The following NXPH1 variants were observed in gnomAD, a reference collection of about 807,000 sequenced individuals.
The protein encoded by NXPH1 is neurexophilin 1, also known as neurexophilin-1.
A neutral mutation model predicts 23.7 loss-of-function variants in NXPH1; 5 were observed. The observed-to-expected ratio is 0.21, with a 90% confidence interval of 0.11 to 0.44. The LOEUF (loss-of-function observed/expected upper bound fraction) is 0.44. Among genes scored for constraint, NXPH1 ranks in the 20% least tolerant of loss-of-function variants. The pLI is 0.99. For missense variants in NXPH1, 324 were observed against 321.6 expected, an observed-to-expected ratio of 1.01 and a Z score of -0.06; for synonymous variants, 144 against 122.2, an observed-to-expected ratio of 1.18 and a Z score of -1.18.
chr7:8,748,852 A>C (rs572876601), intron 2 of NXPH1, among the ~76,000 whole-genome samples: 1 of 152,204 alleles, frequency 6.6e-6, no homozygotes, highest in Non-Finnish European at 1.5e-5. Flanking sequence ...TAAGCTCAGC[A>C]TTATTAGGAA....
At chr7:8,704,138 C>T (rs1029318908) in intron 2 of NXPH1, among the ~76,000 whole-genome samples, 2 of 151,932 alleles carry the variant, frequency 1.3e-5, no homozygotes, top group East Asian at 1.9e-4. Context: ...TTTGTGATTT[C>T]ATGTTTTAGT....
chr7:8,527,612 G>A (rs1817884533), intron 2 of NXPH1, among the ~76,000 whole-genome samples: 2 of 152,194 alleles, frequency 1.3e-5, no homozygotes, highest in Non-Finnish European at 2.9e-5. Context: ...TAGTATAGGT[G>A]TTCCATACTT....
rs540056222 is a variant in NXPH1, at chr7:8,678,928, A to ATTTTTTTTTTTTTTTTTTTTTTTTTT, written c.55-72070_55-72045dup. Among the ~76,000 whole-genome samples the ATTTTTTTTTTTTTTTTTTTTTTTTTT allele has an allele frequency of 2.4e-3, 166 of 68,784 alleles. 29 individuals are homozygous for ATTTTTTTTTTTTTTTTTTTTTTTTTT. The highest frequency in any genetic ancestry group is 4.6e-3 in the South Asian group (9 of 1,960). The allele number at this position is 68,784 out of a possible 152,430, so 45.1% of individuals were successfully genotyped here. On this transcript the variant is annotated intron_variant, in intron 2 of 2. Coordinates refer to ENST00000405863, the MANE Select transcript of NXPH1 (RefSeq NM_152745.3). ...TCTAGATTTATCTTTGCTTTATCCAATTTTTTTTTTTTTTTTTTTTTTTTT... is the reference window on the plus strand; with the variant it reads ...TCTAGATTTATCTTTGCTTTATCCAATTTTTTTTTTTTTTTTTTTTTTTTTTTTTTTTTTTTTTTTTTTTTTTTTTT...
chr7:8,515,783 T>A (rs1451245620), intron 2 of NXPH1, among the ~76,000 whole-genome samples: 1 of 152,142 alleles, frequency 6.6e-6, no homozygotes, highest in Admixed American at 6.6e-5. Context: ...ATCACGTCTG[T>A]AAACTCACAT....
At chr7:8,642,618 C>T (rs909930275) in intron 2 of NXPH1, among the ~76,000 whole-genome samples, 7 of 150,974 alleles carry the variant, frequency 4.6e-5, no homozygotes, top group Non-Finnish European at 1.0e-4. Context: ...TTCTAACATT[C>T]TAATTTTTTT....
At chr7:8,695,131 T>C (rs1467191949) in intron 2 of NXPH1, among the ~76,000 whole-genome samples, 1 of 152,224 alleles carries the variant, frequency 6.6e-6, no homozygotes, top group Non-Finnish European at 1.5e-5. Flanking sequence ...CTATATTAAA[T>C]CTGGAATTAG....
At chr7:8,511,032 G>C (rs965926364) in intron 2 of NXPH1, among the ~76,000 whole-genome samples, 1 of 152,100 alleles carries the variant, frequency 6.6e-6, no homozygotes, top group Non-Finnish European at 1.5e-5. Context: ...CAAAGTAGAT[G>C]TTCTCCACTT....
At chr7:8,718,492 T>A (rs1779913683) in intron 2 of NXPH1, among the ~76,000 whole-genome samples, 1 of 152,206 alleles carries the variant, frequency 6.6e-6, no homozygotes, top group South Asian at 2.1e-4. Flanking sequence ...CCTGAAAGTT[T>A]AATCCCCTGT....
chr7:8,582,550 G>A (rs1158243113), intron 2 of NXPH1, among the ~76,000 whole-genome samples: 2 of 152,152 alleles, frequency 1.3e-5, no homozygotes, highest in African/African-American at 4.8e-5. Flanking sequence ...GGGTAGCTCT[G>A]CAGTGGGTAG....
intron 2 of NXPH1, among the ~76,000 whole-genome samples, chr7:8,581,752 T>A (rs1469283650): frequency 6.6e-6 from 1 of 152,214 alleles, no homozygotes; most frequent in Non-Finnish European, 1.5e-5. Flanking sequence ...TGTAGGTAAC[T>A]AGGGGACAAA....
At chr7:8,713,599 G>A (rs1237486964) in intron 2 of NXPH1, among the ~76,000 whole-genome samples, 1 of 152,038 alleles carries the variant, frequency 6.6e-6, no homozygotes, top group East Asian at 1.9e-4. Context: ...TTCTTGGGAA[G>A]CCTTTCCAGG....
chr7:8,689,006 C>T (rs145225494), intron 2 of NXPH1, among the ~76,000 whole-genome samples: 4 of 152,264 alleles, frequency 2.6e-5, no homozygotes, highest in Non-Finnish European at 4.4e-5. Flanking sequence ...TTAATTATTA[C>T]AGCACCAAAT....
At chr7:8,750,425 G>A (rs1436130895) in intron 2 of NXPH1, among the ~76,000 whole-genome samples, 2 of 152,046 alleles carry the variant, frequency 1.3e-5, no homozygotes, top group Non-Finnish European at 2.9e-5. Flanking sequence ...CTATTGACCC[G>A]TTCTCTAAGT....
rs35297418 is a variant in NXPH1 at position 8,704,750 on chromosome 7, T to TAAA, written c.55-46249_55-46247dup. Among the ~76,000 whole-genome samples, 569 of 146,018 alleles carry TAAA rather than the reference T, an allele frequency of 3.9e-3. 2 individuals carry two copies. Among genetic ancestry groups the TAAA allele is most frequent in the African/African-American group, 0.013 (540 of 40,282 alleles). ...CTTTTCTAAAATATCACTTAATCTG[T>TAAA]AAAAAAAAAAAGATAAAATTGTAGG... On this transcript the variant is annotated intron_variant, in intron 2 of 2. Transcript: ENST00000405863.
At chr7:8,580,750 T>G (rs973130221) in intron 2 of NXPH1, among the ~76,000 whole-genome samples, 2 of 152,028 alleles carry the variant, frequency 1.3e-5, no homozygotes, top group African/African-American at 4.8e-5. Context: ...TTTTTCTTCT[T>G]ATGCAGAGGG....
rs142961621 is a variant in NXPH1 at position 8,740,359 on chromosome 7, A to G, written c.55-10649A>G. On this transcript the variant is annotated intron_variant, in intron 2 of 2. Coordinates refer to ENST00000405863, the MANE Select transcript of NXPH1 (RefSeq NM_152745.3). ...ATTGTTTGGATGGCAAGAAGAATAA[A>G]TACAGGCATGTATTTATCCCCATGA... Among the ~76,000 whole-genome samples the G allele has an allele frequency of 3.0e-3, 456 of 152,328 alleles. 1 individual carries two copies. Among genetic ancestry groups the G allele is most frequent in the Non-Finnish European group, 5.6e-3 (382 of 68,024 alleles).
At chr7:8,696,011 G>C (rs1583234381) in intron 2 of NXPH1, among the ~76,000 whole-genome samples, 1 of 152,292 alleles carries the variant, frequency 6.6e-6, no homozygotes, top group Admixed American at 6.5e-5. Context: ...ACTTCTAATA[G>C]CATAAAGTTT....
At chr7:8,519,971 T>C (rs550608199) in intron 2 of NXPH1, among the ~76,000 whole-genome samples, 2 of 152,250 alleles carry the variant, frequency 1.3e-5, no homozygotes, top group African/African-American at 4.8e-5. Flanking sequence ...TAGCTACAGA[T>C]AAATTTCTAG....
chr7:8,454,953 G>T (rs555317610), intron 2 of NXPH1, among the ~76,000 whole-genome samples: 5 of 152,262 alleles, frequency 3.3e-5, no homozygotes, highest in South Asian at 2.1e-4. Context: ...TTCAAAAGAA[G>T]TATGTTTTCT....
Sources: allele counts gnomAD v4.1 joint callset (sites outside exome capture counted in the v4.1 genomes callset), GRCh38; gene constraint gnomAD v4.1.1; transcripts MANE v1.5; gene names NCBI Gene and HGNC (gene_info 2026-07-23, HGNC 2026-07-21).